The following CYLC2 variants were observed in gnomAD, a reference collection of about 807,000 sequenced individuals.
CYLC2 encodes the protein cylicin-2.
CYLC2 carries 30 observed loss-of-function variants against 26.1 expected under a neutral mutation model. The observed-to-expected ratio is 1.15, with a 90% CI of 0.86 to 1.56. The LOEUF is 1.56. Among genes scored for constraint, CYLC2 ranks in the 40% most tolerant of loss-of-function variants. The pLI, the probability that CYLC2 is intolerant of heterozygous loss-of-function variation, is 0.00. For missense variants in CYLC2, 498 were observed against 394.4 expected (o/e 1.26, Z -2.23); for synonymous variants, 158 against 132.8 (o/e 1.19, Z -1.31).
rs529401324 is a variant in CYLC2 at position 103,003,795 on chromosome 9, C to T, written c.180+532C>T. On this transcript the variant is annotated intron_variant, in intron 3 of 7. Transcript: ENST00000374798. Reference sequence around the variant, plus strand: ...AAATGTTCTACAGCTGGAGAAATCCCTCATTTGAGTCATGGGATTACACTA... The same window carrying T: ...AAATGTTCTACAGCTGGAGAAATCCTTCATTTGAGTCATGGGATTACACTA... 7.2e-5 allele frequency among the ~76,000 whole-genome samples: 11 copies of T among 152,066 alleles called. No homozygotes were observed. The South Asian group carries it at 1.0e-3, about 14-fold the overall frequency.
At chr9:103,007,387 A>T (rs892409493) in intron 5 of CYLC2, among the ~76,000 whole-genome samples, 1 of 152,146 alleles carries the variant, frequency 6.6e-6, no homozygotes, top group African/African-American at 2.4e-5. Flanking sequence ...TTTATTACCA[A>T]CAAGAACAAA....
At chr9:103,003,925 G>T (rs1183609051) in intron 3 of CYLC2, among the ~76,000 whole-genome samples, 1 of 151,994 alleles carries the variant, frequency 6.6e-6, no homozygotes, top group Non-Finnish European at 1.5e-5. Flanking sequence ...ATAAGCATAT[G>T]CTCAAAGAAA....
rs1388027814 is a variant in CYLC2 at position 103,005,530 on chromosome 9, C to A, written c.899C>A (p.Ala300Asp). ...TCTAAGAAGGACGCCACGAAAGATG[C>A]CAAGAAAGTTGCCAAGAAAGATACT... Reference protein sequence around the residue: ...KESKKDATKDAKKVAKKDTEK... With the variant: ...KESKKDATKDDKKVAKKDTEK... The change falls in exon 5 of 8, where the codon GCC becomes GAC. Residue 300 changes from alanine to aspartate, a missense_variant. Coordinates refer to ENST00000374798, the MANE Select transcript of CYLC2 (RefSeq NM_001340.5). 1 of 1,609,878 alleles carries A rather than the reference C, an allele frequency of 6.2e-7. No homozygotes were observed. The highest frequency in any genetic ancestry group is 2.2e-5 in the East Asian group (1 of 44,804).
chr9:103,011,007 A>T (rs1475296213), intron 5 of CYLC2, among the ~76,000 whole-genome samples: 1 of 152,118 alleles, frequency 6.6e-6, no homozygotes, highest in Non-Finnish European at 1.5e-5. Context: ...AAGAATATTG[A>T]TTCTAGAAAC....
At chr9:103,013,096 T>C (rs1829425738) in intron 6 of CYLC2, among the ~76,000 whole-genome samples, 2 of 139,744 alleles carry the variant, frequency 1.4e-5, no homozygotes, top group Admixed American at 7.7e-5. Flanking sequence ...ATAAATAATA[T>C]AAAAATATAT....
intron 7 of CYLC2, among the ~76,000 whole-genome samples, chr9:103,017,170 A>C (rs1247584759): frequency 6.6e-6 from 1 of 151,968 alleles, no homozygotes; most frequent in Non-Finnish European, 1.5e-5. Context: ...CATGATAGTA[A>C]AGAGGAGAAT....
chr9:102,995,703 T>C (rs1235309609), intron 1 of CYLC2, among the ~76,000 whole-genome samples: 4 of 151,896 alleles, frequency 2.6e-5, no homozygotes, highest in African/African-American at 4.8e-5. Context: ...AATAAAATAA[T>C]TCATGATTTT....
Position 103,003,218 on chromosome 9 carries a change from C to G in CYLC2, c.135C>G (p.Thr45=), listed in dbSNP as rs1564097104. ...TTCCCAAACCACAACGGCCAGGAAC[C>G]AAAAGGAGATCAAAACCTTCTCAAA... ...LLFPKPQRPG[T]KRRSKPSQIR... Residue 45 remains threonine, a synonymous_variant, in exon 3 of 8, where the codon ACC becomes ACG. Coordinates refer to ENST00000374798, the MANE Select transcript of CYLC2 (RefSeq NM_001340.5). The G allele has an allele frequency of 4.3e-6, 7 of 1,613,664 alleles. No individual in the cohort carries two copies. The South Asian group carries it at 6.6e-5, about 15-fold the overall frequency.
chr9:103,005,290 G>A lies in CYLC2; in HGVS notation c.659G>A (p.Gly220Asp), dbSNP rs1245631818. 1.2e-6 allele frequency: 2 copies of A among 1,613,686 alleles called. No homozygotes were observed. The highest frequency in any genetic ancestry group is 1.7e-6 in the Non-Finnish European group (2 of 1,179,888). The change falls in exon 5 of 8, where the codon GGT becomes GAT. Residue 220 changes from glycine (G) to aspartate (D), a missense_variant. Transcript: ENST00000374798. The stretch of plus-strand genomic sequence containing the variant: ...GGTACAGAGAAAGATAGCAAAAAAG[G>A]TAAAAAGGATTCAAAGAAGGGCAAG... ...KGGTEKDSKK[G>D]KKDSKKGKDS...
chr9:103,014,189 T>C (rs1829459100), intron 6 of CYLC2, among the ~76,000 whole-genome samples: 2 of 123,562 alleles, frequency 1.6e-5, no homozygotes, highest in African/African-American at 6.4e-5. Flanking sequence ...TCATATATAA[T>C]ATATAATATG....
At chr9:103,015,262 T>C (rs534269202) in intron 6 of CYLC2, among the ~76,000 whole-genome samples, 1 of 123,638 alleles carries the variant, frequency 8.1e-6, no homozygotes, top group Non-Finnish European at 1.6e-5. Flanking sequence ...ATATATATTA[T>C]ATACATATAT....
intron 6 of CYLC2, among the ~76,000 whole-genome samples, chr9:103,014,600 G>A (rs917924955): frequency 7.0e-5 from 10 of 142,558 alleles, no homozygotes; most frequent in East Asian, 2.2e-4. Flanking sequence ...TGTATATTAT[G>A]CAGTATACAT....
Position 103,005,734 on chromosome 9 carries a change from A to G in CYLC2, c.*56A>G. The G allele has an allele frequency of 1.3e-6, 2 of 1,528,196 alleles. No homozygotes were observed. Among genetic ancestry groups the G allele is most frequent in the Non-Finnish European group, 8.8e-7 (1 of 1,136,916 alleles). The allele number at this position is 1,528,196 out of a possible 1,614,324, so 94.7% of individuals were successfully genotyped here. On this transcript the variant is annotated 3_prime_UTR_variant, in exon 5 of 8. Transcript: ENST00000374798. ...AATTCAAAAGCATATTTGATGAAAC[A>G]ATAGTGGTAGTCTGCAGCTGAATTT...
chr9:103,014,919 ATATGTATAT>A (rs1829479463), intron 6 of CYLC2, among the ~76,000 whole-genome samples: 1 of 139,486 alleles, frequency 7.2e-6, no homozygotes, highest in African/African-American at 2.6e-5. Flanking sequence ...AATATACATA[ATATGTATAT>A]TATGTAGTAT....
chr9:103,011,415 G>A (rs1489002759), intron 5 of CYLC2, among the ~76,000 whole-genome samples: 1 of 152,050 alleles, frequency 6.6e-6, no homozygotes. Flanking sequence ...TGATGGCTAA[G>A]TAACTTACTG....
intron 1 of CYLC2, among the ~76,000 whole-genome samples, chr9:102,996,412 A>G (rs7026244): frequency 0.016 from 2,473 of 152,026 alleles, 71 homozygotes; most frequent in African/African-American, 0.055. Flanking sequence ...GAACTTGACC[A>G]CAATGGTTAG....
At chr9:103,014,959 A>T (rs1372813452) in intron 6 of CYLC2, among the ~76,000 whole-genome samples, 1 of 133,612 alleles carries the variant, frequency 7.5e-6, no homozygotes, top group African/African-American at 2.7e-5. Flanking sequence ...TGTAATATAC[A>T]TATTCATATT....
Position 103,015,129 on chromosome 9 carries a change from ATATACATAACATGTATATCACGTG to A in CYLC2, c.*817-1758_*817-1735del, listed in dbSNP as rs1564101582. ...ATATACATAACATGTATATCACGTG[ATATACATAACATGTATATCACGTG>A]ATATACATAACATGTATATCACGTG... On this transcript the variant is annotated intron_variant, in intron 6 of 7. Coordinates refer to ENST00000374798, the MANE Select transcript of CYLC2 (RefSeq NM_001340.5). 6.1e-3 allele frequency among the ~76,000 whole-genome samples: 93 copies of A among 15,276 alleles called. 5 individuals carry two copies. The highest frequency in any genetic ancestry group is 0.018 in the African/African-American group (91 of 5,100). 10.0% of individuals were successfully genotyped at this position (15,276 alleles called of 152,430 possible). A position where few individuals can be genotyped will look rare whatever the true frequency, so the allele number is the denominator to read the frequency against.
intron 2 of CYLC2, among the ~76,000 whole-genome samples, chr9:103,002,032 G>C (rs920842846): frequency 1.3e-5 from 2 of 152,008 alleles, no homozygotes; most frequent in African/African-American, 4.8e-5. Flanking sequence ...TGATTTTGAA[G>C]AACTTCAAAT....
Sources: allele counts gnomAD v4.1 joint callset (sites outside exome capture counted in the v4.1 genomes callset), GRCh38; gene constraint gnomAD v4.1.1; transcripts MANE v1.5; gene names NCBI Gene and HGNC (gene_info 2026-07-23, HGNC 2026-07-21).